Variants in RBFOX1 observed in about 807,000 individuals in gnomAD.
RBFOX1 encodes the protein RNA binding protein fox-1 homolog 1.
A neutral mutation model predicts 57.7 loss-of-function variants in RBFOX1; 8 were observed. That is an observed-to-expected ratio of 0.14 (90% CI 0.08 to 0.25). RBFOX1 has a LOEUF of 0.25. RBFOX1 is among the 10% of genes least tolerant of loss of function. The probability of loss-of-function intolerance (pLI) is 1.00; values close to 1 mark genes in which losing one functional copy is unlikely to be tolerated. For missense variants in RBFOX1, 611 were observed against 548.5 expected (o/e 1.11, Z -1.14); for synonymous variants, 326 against 222.4 (o/e 1.47, Z -4.15).
chr16:5,616,023 G>C (rs1221485557), intron 3 of RBFOX1: 2 of 152,540 alleles, frequency 1.3e-5, no homozygotes, highest in African/African-American at 4.8e-5. Context: ...GTCAAGATCA[G>C]ATCTGAACCC....
chr16:7,206,041 A>T (rs1291755728), intron 4 of RBFOX1, among the ~76,000 whole-genome samples: 1 of 152,202 alleles, frequency 6.6e-6, no homozygotes, highest in Non-Finnish European at 1.5e-5. Context: ...GGCGAGTAGG[A>T]TGTTTAGTTT....
rs181269590 is a variant in RBFOX1 at position 6,199,915 on chromosome 16, C to T, written c.-126-117080C>T. Among the ~76,000 whole-genome samples the T allele has an allele frequency of 1.5e-4, 23 of 152,232 alleles. No individual in the cohort carries two copies. The East Asian group carries it at 1.5e-3, about 10-fold the overall frequency. On this transcript the variant is annotated intron_variant, in intron 1 of 15. Transcript: ENST00000550418. ...CACATAAGTTATGTCCTGGACTGTG[C>T]GAACACTCATGAGCACAGCCAGAAA...
At chr16:5,642,617 C>A (rs900689085) in intron 3 of RBFOX1, among the ~76,000 whole-genome samples, 2 of 152,074 alleles carry the variant, frequency 1.3e-5, no homozygotes, top group East Asian at 1.9e-4. Flanking sequence ...GCCGCCCCCC[C>A]TTCCCCAGCC....
intron 2 of RBFOX1, among the ~76,000 whole-genome samples, chr16:6,633,675 AC>A (rs2098408130): frequency 6.6e-6 from 1 of 152,084 alleles, no homozygotes. Flanking sequence ...CCAGCCAGTT[AC>A]TGATGGCTGT....
chr16:6,111,436 AC>A (rs1193301137), intron 1 of RBFOX1, among the ~76,000 whole-genome samples: 1 of 152,172 alleles, frequency 6.6e-6, no homozygotes, highest in African/African-American at 2.4e-5. Flanking sequence ...AACCACCAAC[AC>A]CTTTTGAGTT....
chr16:5,439,032 T>TG (rs5815250), intron 1 of RBFOX1, among the ~76,000 whole-genome samples: 1,999 of 133,072 alleles, frequency 0.015, 27 homozygotes, highest in Non-Finnish European at 0.018. Context: ...TAGAGAATAA[T>TG]GGGGGGGGGG....
chr16:6,628,783 T>A (rs1185474156), intron 2 of RBFOX1, among the ~76,000 whole-genome samples: 1 of 152,224 alleles, frequency 6.6e-6, no homozygotes, highest in Non-Finnish European at 1.5e-5. Flanking sequence ...AGAACTGTCA[T>A]TCTTCCAAAG....
At chr16:5,376,869 C>T (rs527783215) in intron 1 of RBFOX1, among the ~76,000 whole-genome samples, 11 of 150,188 alleles carry the variant, frequency 7.3e-5, no homozygotes, top group Admixed American at 6.6e-4. Context: ...GCAGGTTCTG[C>T]GTCATCTCCA....
intron 1 of RBFOX1, among the ~76,000 whole-genome samples, chr16:5,444,229 T>A (rs1376857595): frequency 6.6e-6 from 1 of 152,172 alleles, no homozygotes; most frequent in African/African-American, 2.4e-5. Context: ...AAAGTATGGA[T>A]TGTTGATGTG....
At chr16:5,398,794 C>T (rs557691714) in intron 1 of RBFOX1, among the ~76,000 whole-genome samples, 4 of 152,164 alleles carry the variant, frequency 2.6e-5, no homozygotes, top group African/African-American at 9.6e-5. Context: ...GTGAGCAGCA[C>T]GTTGGAAACC....
chr16:5,364,636 A>G (rs1261287852), intron 1 of RBFOX1, among the ~76,000 whole-genome samples: 1 of 152,082 alleles, frequency 6.6e-6, no homozygotes, highest in Non-Finnish European at 1.5e-5. Flanking sequence ...TTTGGAACCC[A>G]TTCCTTTATG....
At chr16:7,011,046 C>A (rs905524403) in intron 3 of RBFOX1, among the ~76,000 whole-genome samples, 1 of 150,628 alleles carries the variant, frequency 6.6e-6, no homozygotes, top group African/African-American at 2.5e-5. Context: ...TGTGGCCTTG[C>A]CTTTTAATTG....
intron 1 of RBFOX1, among the ~76,000 whole-genome samples, chr16:6,306,310 A>G (rs1258145410): frequency 1.3e-5 from 2 of 152,130 alleles, no homozygotes; most frequent in Non-Finnish European, 2.9e-5. Flanking sequence ...ATGGATGGAA[A>G]CCACACAGGG....
At chr16:6,205,863 CTTT>C (rs34261182) in intron 1 of RBFOX1, among the ~76,000 whole-genome samples, 1 of 97,926 alleles carries the variant, frequency 1.0e-5, no homozygotes, top group Admixed American at 1.5e-4. Context: ...CGAGATCATA[CTTT>C]TTTTTTTTTT....
rs1397358392 is a variant in RBFOX1 at position 7,410,830 on chromosome 16, C to CATGT, written c.28-107317_28-107316insATGT. ...CAGGCTTGAGGATCATGAGTTTTCACGTGTGTGTGTGTGTGTGTGTGTGTG... is the reference window on the plus strand; with the variant it reads ...CAGGCTTGAGGATCATGAGTTTTCACATGTGTGTGTGTGTGTGTGTGTGTGTGTG... On this transcript the variant is annotated intron_variant, in intron 4 of 15. Transcript: ENST00000550418. 4.2e-3 allele frequency among the ~76,000 whole-genome samples: 637 copies of CATGT among 150,442 alleles called. 5 individuals are homozygous for CATGT. Among genetic ancestry groups the CATGT allele is most frequent in the African/African-American group, 0.015 (603 of 40,740 alleles).
intron 1 of RBFOX1, among the ~76,000 whole-genome samples, chr16:6,242,261 A>G (rs890565175): frequency 6.6e-6 from 1 of 152,242 alleles, no homozygotes; most frequent in Admixed American, 6.5e-5. Context: ...TTATTCAAAC[A>G]GGATCATATC....
At chr16:6,880,221 C>CT (rs60816447) in intron 3 of RBFOX1, among the ~76,000 whole-genome samples, 38,343 of 151,852 alleles carry the variant, frequency 0.25, 5,046 homozygotes, top group African/African-American at 0.32. Flanking sequence ...AATTTTCCAC[C>CT]GGGGGGTAGC....
At chr16:6,212,056 C>T (rs2097302010) in intron 1 of RBFOX1, among the ~76,000 whole-genome samples, 3 of 152,042 alleles carry the variant, frequency 2.0e-5, no homozygotes, top group South Asian at 4.2e-4. Context: ...TGGAGTTTTG[C>T]CATGTTGGCC....
intron 4 of RBFOX1, among the ~76,000 whole-genome samples, chr16:7,176,625 T>C (rs2081707750): frequency 6.6e-6 from 1 of 152,170 alleles, no homozygotes; most frequent in Non-Finnish European, 1.5e-5. Flanking sequence ...AGAAACTATA[T>C]GGGTGGCAAA....
Sources: allele counts gnomAD v4.1 joint callset (sites outside exome capture counted in the v4.1 genomes callset), GRCh38; gene constraint gnomAD v4.1.1; transcripts MANE v1.5; gene names NCBI Gene and HGNC (gene_info 2026-07-23, HGNC 2026-07-21).